SPTLC1: variants seen among roughly 807,000 people sequenced by gnomAD.
The protein encoded by SPTLC1 is serine palmitoyltransferase long chain base subunit 1.
A neutral mutation model predicts 68.9 loss-of-function variants in SPTLC1; 55 were observed. That is an observed-to-expected ratio of 0.80 (90% CI 0.64 to 1.00). The LOEUF is 1.00. SPTLC1 is among the 50% of genes least tolerant of loss of function. The pLI, the probability that SPTLC1 is intolerant of heterozygous loss-of-function variation, is 0.00. For missense variants in SPTLC1, 449 were observed against 573.1 expected, an observed-to-expected ratio of 0.78 and a Z score of 2.21; for synonymous variants, 197 against 201.6, an observed-to-expected ratio of 0.98 and a Z score of 0.19.
intron 13 of SPTLC1, among the ~76,000 whole-genome samples, chr9:92,035,267 G>A (rs1226817973): frequency 2.0e-5 from 3 of 152,144 alleles, no homozygotes; most frequent in South Asian, 2.1e-4. Flanking sequence ...GAAGTGGTGC[G>A]AGCAAAGTCC....
intron 3 of SPTLC1, among the ~76,000 whole-genome samples, chr9:92,096,922 A>G (rs563049604): frequency 3.9e-5 from 6 of 152,318 alleles, no homozygotes; most frequent in South Asian, 4.1e-4. Context: ...TGCAAATCAT[A>G]TATCTGACAA....
chr9:92,066,439 G>A (rs764361341), intron 6 of SPTLC1, among the ~76,000 whole-genome samples: 15 of 152,290 alleles, frequency 9.8e-5, no homozygotes, highest in Non-Finnish European at 2.2e-4. Flanking sequence ...GGATGAGAAG[G>A]TTAAGTAGGA....
intron 6 of SPTLC1, among the ~76,000 whole-genome samples, chr9:92,063,008 C>T (rs1033937674): frequency 1.3e-5 from 2 of 151,928 alleles, no homozygotes; most frequent in African/African-American, 4.8e-5. Flanking sequence ...CAGCAGAAGG[C>T]AGGAAATAAT....
intron 3 of SPTLC1, among the ~76,000 whole-genome samples, chr9:92,102,020 A>C (rs1002512111): frequency 6.6e-6 from 1 of 152,158 alleles, no homozygotes; most frequent in Non-Finnish European, 1.5e-5. Flanking sequence ...CACAAAGAAA[A>C]ACTTCTAAAA....
At chr9:92,085,189 C>A (rs1293126923) in intron 3 of SPTLC1, among the ~76,000 whole-genome samples, 1 of 151,070 alleles carries the variant, frequency 6.6e-6, no homozygotes, top group African/African-American at 2.4e-5. Context: ...TTTCAAAAAA[C>A]CAGCTCCTGG....
chr9:92,073,088 C>T (rs890041889), intron 5 of SPTLC1, among the ~76,000 whole-genome samples: 4 of 152,068 alleles, frequency 2.6e-5, no homozygotes, highest in Non-Finnish European at 5.9e-5. Flanking sequence ...ACCCTGAAGC[C>T]GACCCCCATG....
At chr9:92,073,408 C>T (rs1834568002) in intron 5 of SPTLC1, among the ~76,000 whole-genome samples, 2 of 152,244 alleles carry the variant, frequency 1.3e-5, no homozygotes, top group Non-Finnish European at 2.9e-5. Context: ...AAAGGACCTA[C>T]CAGGCAGGGG....
chr9:92,054,869 G>A (rs1833829359), intron 8 of SPTLC1, among the ~76,000 whole-genome samples: 1 of 152,048 alleles, frequency 6.6e-6, no homozygotes, highest in Admixed American at 6.6e-5. Context: ...CCAAGATGGC[G>A]CCACTGCACT....
chr9:92,036,613 C>G (rs2118360271), intron 13 of SPTLC1, among the ~76,000 whole-genome samples: 1 of 152,028 alleles, frequency 6.6e-6, no homozygotes, highest in Middle Eastern at 3.4e-3. Flanking sequence ...TGAGCCTGCT[C>G]TGTGAACACA....
chr9:92,041,694 A>C (rs1236240361), intron 12 of SPTLC1, among the ~76,000 whole-genome samples: 1 of 152,258 alleles, frequency 6.6e-6, no homozygotes, highest in Admixed American at 6.5e-5. Context: ...AGATCCATTT[A>C]AATTATAAAC....
intron 3 of SPTLC1, among the ~76,000 whole-genome samples, chr9:92,101,653 G>A (rs1437789691): frequency 7.2e-5 from 10 of 138,168 alleles, no homozygotes; most frequent in African/African-American, 2.7e-4. Flanking sequence ...AAATTAAAAA[G>A]TACCACTGAC....
intron 3 of SPTLC1, among the ~76,000 whole-genome samples, chr9:92,100,786 C>T (rs1835718644): frequency 6.6e-6 from 1 of 151,686 alleles, no homozygotes; most frequent in Non-Finnish European, 1.5e-5. Context: ...GCTCCTACAG[C>T]CTAGGTCACC....
chr9:92,051,267 T>C (rs1405459696), intron 8 of SPTLC1: 18 of 984,656 alleles, frequency 1.8e-5, no homozygotes, highest in Admixed American at 6.1e-5. Flanking sequence ...ATTCAATTAA[T>C]AGACTCCTAG....
intron 5 of SPTLC1, among the ~76,000 whole-genome samples, chr9:92,071,381 C>T (rs899706477): frequency 1.3e-5 from 2 of 152,186 alleles, no homozygotes; most frequent in African/African-American, 2.4e-5. Context: ...GCTTGGGCAA[C>T]AAGAGTGAAA....
rs192449242 is a variant in SPTLC1, at chr9:92,103,028, A to G, written c.260+5712T>C. ...ACCAAATTATGTTTGTCATATTTTAATCCAATATATTGATCTACTATGAAC... is the reference window on the plus strand; with the variant it reads ...ACCAAATTATGTTTGTCATATTTTAGTCCAATATATTGATCTACTATGAAC... On this transcript the variant is annotated intron_variant, in intron 3 of 14. Transcript: ENST00000262554. Among the ~76,000 whole-genome samples the G allele has an allele frequency of 2.3e-3, 348 of 152,342 alleles. 1 individual carries two copies. Among genetic ancestry groups the G allele is most frequent in the African/African-American group, 8.2e-3 (339 of 41,574 alleles).
At chr9:92,108,583 T>C (rs12341602) in intron 3 of SPTLC1, 157 bp downstream of exon 3, 50,309 of 921,124 alleles carry the variant, frequency 0.055, 3,440 homozygotes, top group African/African-American at 0.3. Context: ...ATCCCTAGAA[T>C]AAATTTTTTA....
chr9:92,089,347 A>T (rs2118732548), intron 3 of SPTLC1, among the ~76,000 whole-genome samples: 1 of 152,306 alleles, frequency 6.6e-6, no homozygotes, highest in East Asian at 1.9e-4. Flanking sequence ...CAGGAGGCAG[A>T]GGTTGCAGTG....
chr9:92,081,459 C>T (rs923167444), intron 3 of SPTLC1, among the ~76,000 whole-genome samples: 3 of 152,270 alleles, frequency 2.0e-5, no homozygotes, highest in African/African-American at 4.8e-5. Context: ...CTAAAGTTAA[C>T]GCTGGAATGC....
At chr9:92,055,344 C>A (rs904993974) in intron 8 of SPTLC1, 61 bp downstream of exon 8, 1 of 1,609,314 alleles carries the variant, frequency 6.2e-7, no homozygotes, top group Non-Finnish European at 8.5e-7. Flanking sequence ...CGGTCATAAA[C>A]AAAAGGCACA....
Sources: gnomAD v4.1 joint callset for allele counts (sites outside exome capture counted in the v4.1 genomes callset) on GRCh38, gnomAD v4.1.1 for gene constraint, MANE v1.5 for transcripts, NCBI Gene and HGNC (gene_info 2026-07-23, HGNC 2026-07-21) for gene names.